EML1: variants seen among roughly 807,000 people sequenced by gnomAD.
EML1 encodes EMAP like 1, also known as echinoderm microtubule-associated protein-like 1.
In EML1, 27 loss-of-function variants were observed where a neutral mutation model predicts 110.4. The observed-to-expected ratio is 0.24, with a 90% CI of 0.18 to 0.34. The LOEUF is 0.34. Ranked by LOEUF, EML1 falls within the 10% of genes least tolerant of loss-of-function variation. EML1 has a pLI of 1.00. For missense variants in EML1, 741 were observed against 1,030.9 expected (o/e 0.72, Z 3.85); for synonymous variants, 344 against 385.8 (o/e 0.89, Z 1.27).
At chr14:99,883,810 G>A (rs915615938) in intron 4 of EML1, among the ~76,000 whole-genome samples, 7 of 152,116 alleles carry the variant, frequency 4.6e-5, no homozygotes, top group African/African-American at 1.4e-4. Context: ...TTTCCAGCCC[G>A]AAGTACTTCA....
chr14:99,793,378 CCAGCGCCAGCGCCGGTCGCGGTCGGGCT>C, upstream of EML1: 1 of 995,220 alleles, frequency 1.0e-6, no homozygotes. Flanking sequence ...AGGGCCGGCC[CCAGCGCCAGCGCCGGTCGCGGTCGGGCT>C]CAGCTCAGTG....
upstream of EML1, among the ~76,000 whole-genome samples, chr14:99,789,055 A>G (rs1413554122): frequency 6.6e-6 from 1 of 152,080 alleles, no homozygotes; most frequent in East Asian, 1.9e-4. Context: ...TTAACCATTC[A>G]TCCATCGGTA....
At chr14:99,885,338 T>C (rs2059455228) in intron 4 of EML1, among the ~76,000 whole-genome samples, 1 of 152,194 alleles carries the variant, frequency 6.6e-6, no homozygotes, top group South Asian at 2.1e-4. Context: ...GTACAGCACA[T>C]GACTATAGGG....
intron 4 of EML1, among the ~76,000 whole-genome samples, chr14:99,887,082 T>G (rs1265871881): frequency 6.6e-6 from 1 of 152,246 alleles, no homozygotes; most frequent in Non-Finnish European, 1.5e-5. Flanking sequence ...ACTGCACTGC[T>G]GTCTGTTGGT....
chr14:99,892,294 T>C, intron 5 of EML1: 1 of 795,166 alleles, frequency 1.3e-6, no homozygotes, highest in Non-Finnish European at 1.5e-6. Context: ...TCTCCTTGTA[T>C]GAAAATGTTT....
At chr14:99,811,760 AG>A (rs1225616067) in intron 1 of EML1, among the ~76,000 whole-genome samples, 34 of 151,766 alleles carry the variant, frequency 2.2e-4, no homozygotes, top group African/African-American at 8.0e-4. Context: ...CAGTGAGCCA[AG>A]ATCACATCCC....
chr14:99,874,797 T>C, intron 3 of EML1: 1 of 614,398 alleles, frequency 1.6e-6, no homozygotes, highest in Non-Finnish European at 2.7e-6. Context: ...ACGTCTATAT[T>C]TGCGAACCAA....
chr14:99,828,158 G>A (rs1390048129), intron 1 of EML1, among the ~76,000 whole-genome samples: 3 of 152,006 alleles, frequency 2.0e-5, no homozygotes, highest in Non-Finnish European at 4.4e-5. Context: ...ATTTCTGTTC[G>A]CTATTCTTAT....
At chr14:99,875,086 A>G (rs1182013756) in intron 3 of EML1, 3 of 1,122,590 alleles carry the variant, frequency 2.7e-6, no homozygotes, top group East Asian at 4.9e-5. Context: ...TCCAGTGCCT[A>G]CCATTCATCA....
At chr14:99,900,153 T>TG (rs2059737085) in intron 8 of EML1, among the ~76,000 whole-genome samples, 1 of 151,734 alleles carries the variant, frequency 6.6e-6, no homozygotes, top group Non-Finnish European at 1.5e-5. Flanking sequence ...ACATAATTGA[T>TG]GCCTGTTTTG....
intron 6 of EML1, among the ~76,000 whole-genome samples, chr14:99,896,582 G>A (rs746153315): frequency 3.3e-5 from 5 of 152,096 alleles, no homozygotes; most frequent in Non-Finnish European, 7.4e-5. Flanking sequence ...CTAAATAAAT[G>A]GCATTTTTTT....
At chr14:99,748,644 C>T (rs1031982635) in intron 1 of EML1, among the ~76,000 whole-genome samples, 8 of 151,778 alleles carry the variant, frequency 5.3e-5, no homozygotes, top group African/African-American at 9.7e-5. Flanking sequence ...GGCAACAGAG[C>T]GAGACCCTGT....
chr14:99,928,737 C>T (rs903942955), intron 17 of EML1, among the ~76,000 whole-genome samples: 6 of 152,094 alleles, frequency 3.9e-5, no homozygotes, highest in Non-Finnish European at 8.8e-5. Context: ...GACGTGTCCT[C>T]GAGCTTTAGA....
At chr14:99,773,021 G>T (rs2057442512) in exon 1 of EML1, 1 of 152,182 alleles carries the variant, frequency 6.6e-6, no homozygotes, top group Non-Finnish European at 1.5e-5. Flanking sequence ...CCACAGATAG[G>T]TTCCTACAGA....
intron 1 of EML1, among the ~76,000 whole-genome samples, chr14:99,774,672 A>T (rs1019866199): frequency 2.6e-5 from 4 of 152,064 alleles, no homozygotes; most frequent in African/African-American, 9.7e-5. Context: ...TGACGTTTGC[A>T]CCCTTGGGCG....
At position 99,864,820 on chromosome 14, in the gene EML1, A is replaced by G. The variant is rs191551489; in HGVS notation, c.251-694A>G. Among the ~76,000 whole-genome samples, 1,293 of 151,838 alleles carry G rather than the reference A, an allele frequency of 8.5e-3. 18 individuals are homozygous for G. The highest frequency in any genetic ancestry group is 0.029 in the African/African-American group (1,184 of 41,394). Reference sequence around the variant, plus strand: ...AACTCTGTCTCAAAAAAAAAAAAAAAAAAAGAAAAGATGATCCTTTCTCCA... The same window carrying G: ...AACTCTGTCTCAAAAAAAAAAAAAAGAAAAGAAAAGATGATCCTTTCTCCA... On this transcript the variant is annotated intron_variant, in intron 2 of 21. Coordinates refer to ENST00000262233, the MANE Select transcript of EML1 (RefSeq NM_004434.3).
At chr14:99,785,594 G>A (rs898992012) in intron 1 of EML1, among the ~76,000 whole-genome samples, 2 of 152,144 alleles carry the variant, frequency 1.3e-5, no homozygotes, top group Non-Finnish European at 2.9e-5. Flanking sequence ...TTGGATTCTG[G>A]AAAATACAGA....
intron 17 of EML1, among the ~76,000 whole-genome samples, chr14:99,935,752 C>T (rs867624779): frequency 1.5e-4 from 20 of 132,544 alleles, no homozygotes; most frequent in South Asian, 2.4e-4. Flanking sequence ...CACTGCACTC[C>T]GGCCTGGCGA....
At chr14:99,838,936 C>CGT (rs1262133133) in intron 1 of EML1, 1 of 48,308 alleles carries the variant, frequency 2.1e-5, no homozygotes, top group Non-Finnish European at 5.8e-5. Context: ...TGTGTGCGCG[C>CGT]GCGCGTGCAT....
Sources: gnomAD v4.1 joint callset for allele counts (sites outside exome capture counted in the v4.1 genomes callset) on GRCh38, gnomAD v4.1.1 for gene constraint, MANE v1.5 for transcripts, NCBI Gene and HGNC (gene_info 2026-07-23, HGNC 2026-07-21) for gene names.